KIF26B: variants seen among roughly 807,000 people sequenced by gnomAD.
KIF26B encodes kinesin family member 26B, also known as kinesin-like protein KIF26B.
A neutral mutation model predicts 151.2 loss-of-function variants in KIF26B; 63 were observed. That is an observed-to-expected ratio of 0.42 (90% CI 0.34 to 0.51). The LOEUF is 0.51. KIF26B is among the 20% of genes least tolerant of loss of function. KIF26B has a pLI of 0.07. For missense variants in KIF26B, 2,813 were observed against 2,913.6 expected (o/e 0.97, Z 0.79); for synonymous variants, 1,357 against 1,262.1 (o/e 1.08, Z -1.59).
intron 6 of KIF26B, among the ~76,000 whole-genome samples, chr1:245,607,024 C>T (rs1055293273): frequency 2.8e-5 from 4 of 144,946 alleles, no homozygotes; most frequent in African/African-American, 1.0e-4. Context: ...TGAGATCGCA[C>T]CATTGCACTC....
At chr1:245,314,156 C>T (rs1671717038) in intron 2 of KIF26B, among the ~76,000 whole-genome samples, 1 of 152,128 alleles carries the variant, frequency 6.6e-6, no homozygotes, top group Admixed American at 6.5e-5. Flanking sequence ...CCCTTAAAAA[C>T]TTATATTCAG....
chr1:245,396,346 A>G (rs1673840628), intron 3 of KIF26B, among the ~76,000 whole-genome samples: 1 of 138,726 alleles, frequency 7.2e-6, no homozygotes, highest in Admixed American at 6.8e-5. Context: ...AAATTAAAAT[A>G]CCAAATAAAA....
At chr1:245,548,270 A>C (rs1179720576) in intron 5 of KIF26B, among the ~76,000 whole-genome samples, 1 of 149,402 alleles carries the variant, frequency 6.7e-6, no homozygotes, top group Non-Finnish European at 1.5e-5. Flanking sequence ...AAGGATACAC[A>C]ATGTGGTTGA....
chr1:245,566,203 G>T (rs2043008916), intron 5 of KIF26B, among the ~76,000 whole-genome samples: 1 of 152,214 alleles, frequency 6.6e-6, no homozygotes, highest in South Asian at 2.1e-4. Flanking sequence ...CATGCCAGAT[G>T]ATTTTTGCGT....
intron 9 of KIF26B, among the ~76,000 whole-genome samples, chr1:245,628,502 A>G (rs1263770813): frequency 6.6e-6 from 1 of 152,196 alleles, no homozygotes; most frequent in African/African-American, 2.4e-5. Context: ...AACAGAACCA[A>G]TGACAAAAAC....
At chr1:245,547,049 C>G (rs1001882876) in intron 5 of KIF26B, among the ~76,000 whole-genome samples, 1 of 152,218 alleles carries the variant, frequency 6.6e-6, no homozygotes, top group Non-Finnish European at 1.5e-5. Flanking sequence ...CTGGACAGCA[C>G]ATGCGCAGTA....
intron 9 of KIF26B, among the ~76,000 whole-genome samples, chr1:245,622,435 A>T (rs1424900711): frequency 6.6e-6 from 1 of 152,154 alleles, no homozygotes; most frequent in African/African-American, 2.4e-5. Context: ...GAATATTTTC[A>T]TCCTACAGCA....
chr1:245,443,429 C>T (rs1659166366), intron 4 of KIF26B, among the ~76,000 whole-genome samples: 2 of 83,188 alleles, frequency 2.4e-5, no homozygotes, highest in African/African-American at 5.7e-5. Context: ...TCACTGTTCA[C>T]CCTGCGGTCA....
chr1:245,551,638 C>T (rs551804226), intron 5 of KIF26B, among the ~76,000 whole-genome samples: 3 of 152,280 alleles, frequency 2.0e-5, no homozygotes, highest in South Asian at 2.1e-4. Context: ...CCACGCCACG[C>T]GACCCTGCAG....
chr1:245,370,638 G>A (rs551522653), intron 3 of KIF26B: 1 of 456,668 alleles, frequency 2.2e-6, no homozygotes, highest in Non-Finnish European at 4.4e-6. Flanking sequence ...CTGCGCCAGC[G>A]CTGATGAGCG....
chr1:245,270,326 CTTTTTCCT>C, intron 2 of KIF26B, among the ~76,000 whole-genome samples: 2 of 63,588 alleles, frequency 3.1e-5, no homozygotes, highest in Admixed American at 3.5e-4. Context: ...CCTTCACTTC[CTTTTTCCT>C]TTCCCTTCCC....
At chr1:245,329,919 C>T (rs1256114583) in intron 2 of KIF26B, among the ~76,000 whole-genome samples, 1 of 152,136 alleles carries the variant, frequency 6.6e-6, no homozygotes, top group Non-Finnish European at 1.5e-5. Context: ...CTCAAATTAT[C>T]CTCCTCCCTT....
chr1:245,319,368 G>C lies in KIF26B; in HGVS notation c.466-47466G>C, dbSNP rs189389472. 3.3e-5 allele frequency among the ~76,000 whole-genome samples: 5 copies of C among 152,218 alleles called. No homozygotes were observed. The South Asian group carries it at 1.0e-3, about 31-fold the overall frequency. On this transcript the variant is annotated intron_variant, in intron 2 of 14. Coordinates refer to ENST00000407071, the MANE Select transcript of KIF26B (RefSeq NM_018012.4). Reference sequence around the variant, plus strand: ...GGCCACTTCTTGCTCAGCATTTGTCGTGGAGTCTTCTGCCATTGGCCATGT... The same window carrying C: ...GGCCACTTCTTGCTCAGCATTTGTCCTGGAGTCTTCTGCCATTGGCCATGT...
Position 245,218,181 on chromosome 1 carries a change from G to T in KIF26B, c.465+61498G>T, listed in dbSNP as rs1669686242. Among the ~76,000 whole-genome samples the T allele has an allele frequency of 6.6e-6, 1 of 152,216 alleles. No homozygotes were observed. The highest frequency in any genetic ancestry group is 1.5e-5 in the Non-Finnish European group (1 of 68,034). On this transcript the variant is annotated intron_variant, in intron 2 of 14. Coordinates refer to ENST00000407071, the MANE Select transcript of KIF26B (RefSeq NM_018012.4). This position sits in a 1 kb window ranked among gnomAD's most constrained non-coding sequence, Gnocchi z 4.1. ...AGAACTCAGGCTGGGAATCCCAGGG[G>T]CTACTCCAGCTTTCATGTCACCAGA...
chr1:245,197,044 C>T (rs746506961), intron 2 of KIF26B, among the ~76,000 whole-genome samples: 2 of 152,172 alleles, frequency 1.3e-5, no homozygotes, highest in Non-Finnish European at 2.9e-5. Flanking sequence ...GCAAGTGCGT[C>T]GAGCCACTCA....
chr1:245,283,983 G>A (rs549385408), intron 2 of KIF26B, among the ~76,000 whole-genome samples: 118 of 152,282 alleles, frequency 7.7e-4, no homozygotes, highest in African/African-American at 2.8e-3. Context: ...GCTGCGCACC[G>A]CAGCTTGAGA....
chr1:245,476,302 A>G (rs1660035667), intron 4 of KIF26B, among the ~76,000 whole-genome samples: 1 of 151,832 alleles, frequency 6.6e-6, no homozygotes, highest in African/African-American at 2.4e-5. Flanking sequence ...TGAGGAAGAT[A>G]TTCCGTGTTC....
At position 245,218,897 on chromosome 1, in the gene KIF26B, G is replaced by A. The variant is rs1229801210; in HGVS notation, c.465+62214G>A. ...ACAGGCAGCTGACTCAGCCAGACCT[G>A]AAACCCTTTCCCCGGTTCTTGTTGG... On this transcript the variant is annotated intron_variant, in intron 2 of 14. Coordinates refer to ENST00000407071, the MANE Select transcript of KIF26B (RefSeq NM_018012.4). The surrounding 1 kb of genome is among the most constrained non-coding windows in gnomAD (Gnocchi z 4.1). 6.6e-6 allele frequency among the ~76,000 whole-genome samples: 1 copy of A among 152,082 alleles called. No homozygotes were observed. The highest frequency in any genetic ancestry group is 2.4e-5 in the African/African-American group (1 of 41,408).
chr1:245,599,207 G>A (rs2043365705), intron 5 of KIF26B, among the ~76,000 whole-genome samples: 1 of 152,232 alleles, frequency 6.6e-6, no homozygotes, highest in South Asian at 2.1e-4. Flanking sequence ...AGGAAGTGGA[G>A]TGCCGGACTA....
Sources: allele counts gnomAD v4.1 joint callset (sites outside exome capture counted in the v4.1 genomes callset), GRCh38; gene constraint gnomAD v4.1.1; non-coding constraint Gnocchi (gnomAD v3.1); transcripts MANE v1.5; gene names NCBI Gene and HGNC (gene_info 2026-07-23, HGNC 2026-07-21).